The following PLA2G6 variants were observed in gnomAD, a reference collection of about 807,000 sequenced individuals.
The protein encoded by PLA2G6 is phospholipase A2 group VI.
A neutral mutation model predicts 83.8 loss-of-function variants in PLA2G6; 62 were observed. That is an observed-to-expected ratio of 0.74 (90% CI 0.60 to 0.91). The LOEUF (loss-of-function observed/expected upper bound fraction) is 0.91, where lower values mean the gene tolerates loss of function less well. Ranked by LOEUF, PLA2G6 falls within the 40% of genes least tolerant of loss-of-function variation. PLA2G6 has a pLI of 0.00. For missense variants in PLA2G6, 944 were observed against 1,102.0 expected (o/e 0.86, Z 2.03); for synonymous variants, 417 against 449.8 (o/e 0.93, Z 0.92).
chr22:38,126,441 C>A lies in PLA2G6; in HGVS notation c.1357G>T (p.Asp453Tyr), dbSNP rs533352113. 1 of 1,613,158 alleles carries A rather than the reference C, an allele frequency of 6.2e-7. No individual in the cohort carries two copies. The highest frequency in any genetic ancestry group is 8.5e-7 in the Non-Finnish European group (1 of 1,179,722). Residue 453 changes from aspartate (D) to tyrosine (Y), a missense_variant, in exon 10 of 17, where the codon GAT becomes TAT. Coordinates refer to ENST00000332509, the MANE Select transcript of PLA2G6 (RefSeq NM_003560.4). ...CGGGCCCGTGAGATGTGCATGAGAT[C>A]CTGTAGTTCTGTGAGGCACAGAGCA... ...PISLNNLELQ[D>Y]LMHISRARKP...
intron 1 of PLA2G6, among the ~76,000 whole-genome samples, chr22:38,170,822 G>A (rs1569301696): frequency 2.0e-5 from 3 of 152,018 alleles, no homozygotes; most frequent in Admixed American, 6.6e-5. Context: ...ACAGAAGGAA[G>A]ACAAAAGCAA....
chr22:38,139,451 T>TTTA (rs1569270652), intron 5 of PLA2G6: 6 of 79,040 alleles, frequency 7.6e-5, no homozygotes, highest in African/African-American at 2.5e-4. Flanking sequence ...TTATTTATTT[T>TTTA]TTGAGACAGT....
In PLA2G6 at chr22:38,116,004, G is replaced by A. The variant is rs573579570; in HGVS notation, c.1879+71C>T. 165 of 1,570,282 alleles carry A rather than the reference G, an allele frequency of 1.1e-4. No individual in the cohort carries two copies. The African/African-American group carries it at 1.9e-3, about 18-fold the overall frequency. ...TGAGGGTGCCTGATGGCAAGTGCACGACTCCCACCCACCACCCCACAGCCT... is the reference window on the plus strand; with the variant it reads ...TGAGGGTGCCTGATGGCAAGTGCACAACTCCCACCCACCACCCCACAGCCT... On this transcript the variant is annotated intron_variant, in intron 13 of 16. Coordinates refer to ENST00000332509, the MANE Select transcript of PLA2G6 (RefSeq NM_003560.4).
chr22:38,128,224 C>A lies in PLA2G6; in HGVS notation c.1348+45G>T. On this transcript the variant is annotated intron_variant, in intron 9 of 16. Coordinates refer to ENST00000332509, the MANE Select transcript of PLA2G6 (RefSeq NM_003560.4). This position sits in a 1 kb window ranked among gnomAD's most constrained non-coding sequence, Gnocchi z 4.4. ...GGTGGGGCCTGCTGTGATCCAGGGG[C>A]CTGGGAACCAGCTGGAGAAGAGGGA... 2 of 1,599,126 alleles carry A rather than the reference C, an allele frequency of 1.3e-6. No individual in the cohort carries two copies. The highest frequency in any genetic ancestry group is 1.7e-6 in the Non-Finnish European group (2 of 1,168,278).
intron 1 of PLA2G6, chr22:38,180,180 CACAG>C (rs1363721156): frequency 2.8e-5 from 4 of 140,846 alleles, no homozygotes; most frequent in Admixed American, 1.4e-4. Flanking sequence ...CACACACACA[CACAG>C]AGTATTTAAA....
Position 38,123,643 on chromosome 22 carries a change from C to T in PLA2G6, c.1428-385G>A, listed in dbSNP as rs776439804. 6.6e-6 allele frequency among the ~76,000 whole-genome samples: 1 copy of T among 151,526 alleles called. No individual in the cohort carries two copies. The highest frequency in any genetic ancestry group is 1.5e-5 in the Non-Finnish European group (1 of 67,952). ...TTAAATAAGGCTGGGGAAGGAGGGG[C>T]GGGGACCCTACAGCCAGGCCAGGAA... On this transcript the variant is annotated intron_variant, in intron 10 of 16. Coordinates refer to ENST00000332509, the MANE Select transcript of PLA2G6 (RefSeq NM_003560.4). The surrounding 1 kb of genome is among the most constrained non-coding windows in gnomAD (Gnocchi z 4.1).
At chr22:38,138,343 G>T in intron 5 of PLA2G6, 1 of 152,540 alleles carries the variant, frequency 6.6e-6, no homozygotes. Flanking sequence ...GGCTGTGCTT[G>T]GGAGATTCAA....
At chr22:38,113,943 C>A in intron 14 of PLA2G6, 1 of 512,806 alleles carries the variant, frequency 2.0e-6, no homozygotes. Flanking sequence ...CCATCTGATG[C>A]TGGCCCAAGT....
Position 38,125,792 on chromosome 22 carries a change from C to T in PLA2G6, c.1427+579G>A, listed in dbSNP as rs1424916961. ...CAACTGCAGCAATCAAGGGAGGTGGCGACAGCACAGTGGCTGGAAACGCAT... is the reference window on the plus strand; with the variant it reads ...CAACTGCAGCAATCAAGGGAGGTGGTGACAGCACAGTGGCTGGAAACGCAT... On this transcript the variant is annotated intron_variant, in intron 10 of 16. Transcript: ENST00000332509. The T allele has an allele frequency of 1.5e-5, 7 of 452,190 alleles. No individual in the cohort carries two copies. The Admixed American group carries it at 1.7e-4, about 11-fold the overall frequency. 28.0% of individuals were successfully genotyped at this position (452,190 alleles called of 1,614,324 possible).
In PLA2G6 at chr22:38,129,544, T is replaced by C; in HGVS notation, c.1096A>G (p.Ile366Val). 1.2e-6 allele frequency: 2 copies of C among 1,613,624 alleles called. No individual in the cohort carries two copies. The highest frequency in any genetic ancestry group is 1.7e-6 in the Non-Finnish European group (2 of 1,179,534). The change falls in exon 8 of 17, where the codon ATC (isoleucine) becomes GTC (valine). Residue 366 changes from isoleucine to valine, a missense_variant. Physicochemically the swap from Ile to Val is conservative, Grantham distance 29. Coordinates refer to ENST00000332509, the MANE Select transcript of PLA2G6 (RefSeq NM_003560.4). ...GCTCCGAACACGATGAGGGCCTTGA[T>C]CATCTCCACGTTGTCTTTCTGTTGG... ...LAMSKDNVEMIKALIVFGAEV... is the reference protein window; with the variant it reads ...LAMSKDNVEMVKALIVFGAEV...
chr22:38,127,324 T>C, intron 9 of PLA2G6: 1 of 1,293,396 alleles, frequency 7.7e-7, no homozygotes, highest in South Asian at 1.2e-5. Flanking sequence ...TGTGCGCAGC[T>C]AAGAAGGACG....
chr22:38,168,416 G>A (rs1440351895), intron 2 of PLA2G6, among the ~76,000 whole-genome samples: 1 of 152,226 alleles, frequency 6.6e-6, no homozygotes, highest in Non-Finnish European at 1.5e-5. Context: ...CGTTGGCCCG[G>A]TTCCCTCAGG....
intron 2 of PLA2G6, among the ~76,000 whole-genome samples, chr22:38,152,197 T>C (rs1602211612): frequency 6.6e-6 from 1 of 152,052 alleles, no homozygotes; most frequent in East Asian, 1.9e-4. Flanking sequence ...CTGTAAGAAC[T>C]GGTTGTTAAA....
chr22:38,114,974 C>T (rs1182005739), intron 14 of PLA2G6, among the ~76,000 whole-genome samples: 1 of 152,132 alleles, frequency 6.6e-6, no homozygotes, highest in African/African-American at 2.4e-5. Flanking sequence ...CACAGGGCCT[C>T]CCCTAGCATG....
rs916907646 is a variant in PLA2G6, at chr22:38,134,835, G to A, written c.894+153C>T. ...GCAGCAGAGCCCTGCCAGGATCCCA[G>A]CTCTTCATGGACTTCTCTGCCTGCA... On this transcript the variant is annotated intron_variant, in intron 6 of 16. Transcript: ENST00000332509. 4.9e-6 allele frequency: 3 copies of A among 617,812 alleles called. No homozygotes were observed. In the African/African-American group the frequency reaches 5.5e-5, roughly 11 times the overall value. The allele number at this position is 617,812 out of a possible 1,614,324, so 38.3% of individuals were successfully genotyped here.
At chr22:38,122,477 C>T (rs924455566) in intron 11 of PLA2G6, among the ~76,000 whole-genome samples, 1 of 152,142 alleles carries the variant, frequency 6.6e-6, no homozygotes, top group Non-Finnish European at 1.5e-5. Context: ...GCAAGCCAGG[C>T]GCCTTCGCAA....
At chr22:38,151,169 T>G (rs555458317) in intron 2 of PLA2G6, among the ~76,000 whole-genome samples, 1 of 151,758 alleles carries the variant, frequency 6.6e-6, no homozygotes, top group Admixed American at 6.6e-5. Context: ...TTAAAACATT[T>G]CTCTAGTCAA....
At chr22:38,144,626 C>T (rs1383502872) in intron 3 of PLA2G6, 1 of 126,768 alleles carries the variant, frequency 7.9e-6, no homozygotes, top group African/African-American at 3.2e-5. Context: ...GAGCGAGACT[C>T]CGTCTCAAAA....
chr22:38,145,328 C>T (rs2089183122), intron 3 of PLA2G6, 110 bp downstream of exon 3: 1 of 923,552 alleles, frequency 1.1e-6, no homozygotes, highest in Non-Finnish European at 1.7e-6. Context: ...CATGCCAGGC[C>T]CTGCTCCTTT....
Sources: allele counts gnomAD v4.1 joint callset (sites outside exome capture counted in the v4.1 genomes callset), GRCh38; gene constraint gnomAD v4.1.1; non-coding constraint Gnocchi (gnomAD v3.1); transcripts MANE v1.5; gene names NCBI Gene and HGNC (gene_info 2026-07-23, HGNC 2026-07-21).